Variants in CHD2 observed in about 807,000 individuals in gnomAD.
The protein encoded by CHD2 is chromodomain helicase DNA binding protein 2.
Under a neutral mutation model 243.9 loss-of-function variants are expected in CHD2, and 28 were observed. That is an observed-to-expected ratio of 0.11 (90% CI 0.09 to 0.16). The LOEUF (loss-of-function observed/expected upper bound fraction) is 0.16. CHD2 is among the 10% of genes least tolerant of loss of function. The pLI is 1.00. For synonymous variants in CHD2, 775 were observed against 779.0 expected (o/e 0.99, Z 0.09); for missense variants, 1,386 against 2,209.8 (o/e 0.63, Z 7.47).
chr15:92,943,828 C>T (rs1408828267), intron 9 of CHD2: 3 of 152,378 alleles, frequency 2.0e-5, no homozygotes, highest in Non-Finnish European at 4.4e-5. Context: ...GGTTTTACTA[C>T]TGTGCAAAAT....
intron 38 of CHD2, among the ~76,000 whole-genome samples, chr15:93,022,452 G>C (rs1215948861): frequency 6.6e-6 from 1 of 152,178 alleles, no homozygotes; most frequent in African/African-American, 2.4e-5. Context: ...CATGAGATTT[G>C]GAGGGGACAC....
At chr15:93,006,487 G>A (rs1161522866) in intron 34 of CHD2, among the ~76,000 whole-genome samples, 4 of 152,108 alleles carry the variant, frequency 2.6e-5, no homozygotes, top group African/African-American at 4.8e-5. Flanking sequence ...TATACTTAAC[G>A]TGTGGTTCTA....
intron 5 of CHD2, among the ~76,000 whole-genome samples, chr15:92,929,317 AG>A (rs2053121896): frequency 6.6e-6 from 1 of 152,080 alleles, no homozygotes; most frequent in South Asian, 2.1e-4. Flanking sequence ...CGTATACTCG[AG>A]CTTTTGCTTG....
In CHD2 at chr15:92,997,765, C is replaced by T. The variant is rs2054204882; in HGVS notation, c.3885+362C>T. On this transcript the variant is annotated intron_variant, in intron 30 of 38. Transcript: ENST00000394196. The surrounding 1 kb of genome is among the most constrained non-coding windows in gnomAD (Gnocchi z 4.1). ...AAGTACATTTGAAACAACCATATTT[C>T]ACTTCCTCACGTAAAGATTGAATGT... 1 of 168,880 alleles carries T rather than the reference C, an allele frequency of 5.9e-6. No individual in the cohort carries two copies. Among genetic ancestry groups the T allele is most frequent in the South Asian group, 1.7e-4 (1 of 5,820 alleles). 10.5% of individuals were successfully genotyped at this position (168,880 alleles called of 1,614,324 possible). A position where few individuals can be genotyped will look rare whatever the true frequency, so the allele number is the denominator to read the frequency against.
At chr15:92,923,527 T>C (rs1033314184) in intron 2 of CHD2, among the ~76,000 whole-genome samples, 1 of 151,722 alleles carries the variant, frequency 6.6e-6, no homozygotes, top group Non-Finnish European at 1.5e-5. Flanking sequence ...CCCAAAGTGT[T>C]GGGATTATAG....
Position 92,941,955 on chromosome 15 carries a change from G to A in CHD2, c.826G>A (p.Ala276Thr), listed in dbSNP as rs375521197. ...VLDSRLGKKGATGASTTVYAI... is the reference protein window; with the variant it reads ...VLDSRLGKKGTTGASTTVYAI... Reference sequence around the variant, plus strand: ...AGATTCAAGACTGGGAAAGAAAGGAGGTATGTGTATTTGGGGAGCAAATTA... The same window carrying A: ...AGATTCAAGACTGGGAAAGAAAGGAAGTATGTGTATTTGGGGAGCAAATTA... The change falls in exon 8 of 39, where the codon GCC becomes ACC. Residue 276 changes from alanine to threonine, a missense_variant and splice_region_variant. Coordinates refer to ENST00000394196, the MANE Select transcript of CHD2 (RefSeq NM_001271.4). 9 of 1,610,758 alleles carry A rather than the reference G, an allele frequency of 5.6e-6. No homozygotes were observed. Among genetic ancestry groups the A allele is most frequent in the Non-Finnish European group, 7.6e-6 (9 of 1,178,808 alleles).
At position 92,924,321 on chromosome 15, in the gene CHD2, T is replaced by C; in HGVS notation, c.63T>C (p.Ser21=). The part of the protein sequence containing the change: ...EDSSLHSNAS[S]HSASEEASGS... Reference sequence around the variant, plus strand: ...AAATCTCTCTCTCTCTCAAAATAAGTCACTCAGCCTCTGAAGAAGCTTCGG... The same window carrying C: ...AAATCTCTCTCTCTCTCAAAATAAGCCACTCAGCCTCTGAAGAAGCTTCGG... The change falls in exon 3 of 39, where the codon AGT becomes AGC. Residue 21 remains serine (S), a splice_region_variant and synonymous_variant. Coordinates refer to ENST00000394196, the MANE Select transcript of CHD2 (RefSeq NM_001271.4). The C allele has an allele frequency of 6.2e-7, 1 of 1,613,056 alleles. No homozygotes were observed. Among genetic ancestry groups the C allele is most frequent in the Non-Finnish European group, 8.5e-7 (1 of 1,179,378 alleles).
chr15:92,914,098 A>G (rs1388675273), intron 2 of CHD2, among the ~76,000 whole-genome samples: 1 of 152,242 alleles, frequency 6.6e-6, no homozygotes, highest in African/African-American at 2.4e-5. Context: ...TAAAGTTTAT[A>G]ACCTAAACAA....
chr15:93,013,705 C>T (rs766333699), intron 36 of CHD2, among the ~76,000 whole-genome samples: 15 of 151,956 alleles, frequency 9.9e-5, no homozygotes, highest in Admixed American at 1.3e-4. Flanking sequence ...GAGGCTGAGG[C>T]GGGTGGATCA....
chr15:92,923,605 C>T (rs1281556288), intron 2 of CHD2, among the ~76,000 whole-genome samples: 4 of 131,524 alleles, frequency 3.0e-5, no homozygotes, highest in Non-Finnish European at 6.3e-5. Flanking sequence ...CTCGCTCTGT[C>T]TCTAGGCTGG....
In CHD2 at chr15:93,004,605, C is replaced by CT. The variant is rs747909672; in HGVS notation, c.4279-6dup. 1.4e-5 allele frequency: 23 copies of CT among 1,606,638 alleles called. No individual in the cohort carries two copies. Among genetic ancestry groups the CT allele is most frequent in the East Asian group, 6.7e-5 (3 of 44,696 alleles). On this transcript the variant is annotated splice_polypyrimidine_tract_variant and intron_variant, in intron 33 of 38. Transcript: ENST00000394196. ...CAAATGACAATGACTCCTTGTAACT[C>CT]TTTTTTAAAAGCCTAAAAGTGGTGA...
intron 26 of CHD2, among the ~76,000 whole-genome samples, chr15:92,990,810 A>G (rs1257977802): frequency 1.3e-5 from 2 of 152,202 alleles, no homozygotes; most frequent in Non-Finnish European, 2.9e-5. Context: ...TTTTAGTGGA[A>G]AGTACTGGTG....
intron 2 of CHD2, 170 bp downstream of exon 2, chr15:92,901,469 A>AT (rs2052528219): frequency 5.0e-6 from 3 of 604,818 alleles, no homozygotes; most frequent in Admixed American, 3.1e-5. Flanking sequence ...CCACACCCTA[A>AT]TTTTTTGGTA....
chr15:92,964,485 A>G (rs1004402351), intron 16 of CHD2, among the ~76,000 whole-genome samples: 8 of 152,326 alleles, frequency 5.3e-5, no homozygotes, highest in East Asian at 1.9e-4. Flanking sequence ...CTGAAGAAAA[A>G]CTATTGTAAA....
chr15:92,904,434 C>T (rs946667852), intron 2 of CHD2: 24 of 987,676 alleles, frequency 2.4e-5, no homozygotes, highest in Non-Finnish European at 2.8e-5. Context: ...TGACGTCTGG[C>T]CGCGTGCGCA....
intron 16 of CHD2, among the ~76,000 whole-genome samples, chr15:92,959,899 G>A (rs1366694037): frequency 1.3e-5 from 2 of 152,124 alleles, no homozygotes; most frequent in African/African-American, 4.8e-5. Context: ...TTTAGGATCA[G>A]GTTGTTAATT....
rs775548944 is a variant in CHD2, at chr15:93,024,704, A to G, written c.5486A>G (p.Ter1829=). The G allele has an allele frequency of 5.0e-6, 8 of 1,607,134 alleles. No individual in the cohort carries two copies. Residue 1829 remains the stop codon, a stop_retained_variant, in exon 39 of 39, where the codon TAA becomes TGA. Transcript: ENST00000394196. ...PDYNWNVRKT[*] is the part of the protein sequence containing the mutation. ...TATAACTGGAATGTTCGGAAAACAT[A>G]AAGGACAGCTCGTAAAGGAGAGAGT... is the stretch of plus-strand genomic sequence containing the variant.
chr15:92,977,397 A>G (rs1178624655), intron 20 of CHD2, among the ~76,000 whole-genome samples: 1 of 152,236 alleles, frequency 6.6e-6, no homozygotes, highest in Non-Finnish European at 1.5e-5. Context: ...CCATTTATCA[A>G]GATGGAACTC....
In CHD2 at chr15:92,956,567, C is replaced by G. The variant is rs746378656; in HGVS notation, c.1918C>G (p.His640Asp). The change falls in exon 16 of 39, where the codon CAT becomes GAT. Residue 640 changes from histidine (H) to aspartate (D), a missense_variant. By Grantham distance (81) the His-to-Asp change is moderately conservative. Transcript: ENST00000394196. ...YKTLIDFKSN[H>D]RLLITGTPLQ... ...AACTCTGATTGATTTCAAGTCCAAC[C>G]ATAGGCTCCTGATTACGGGGACCCC... The G allele has an allele frequency of 6.2e-7, 1 of 1,613,980 alleles. No homozygotes were observed. Among genetic ancestry groups the G allele is most frequent in the East Asian group, 2.2e-5 (1 of 44,882 alleles).
Sources: gnomAD v4.1 joint callset for allele counts (sites outside exome capture counted in the v4.1 genomes callset) on GRCh38, gnomAD v4.1.1 for gene constraint, Gnocchi (gnomAD v3.1) non-coding constraint, MANE v1.5 for transcripts, NCBI Gene and HGNC (gene_info 2026-07-23, HGNC 2026-07-21) for gene names.